NEDD9: variants seen among roughly 807,000 people sequenced by gnomAD.
NEDD9 encodes the protein neural precursor cell expressed, developmentally down-regulated 9, also known as enhancer of filamentation 1.
In NEDD9, 26 loss-of-function variants were observed where a neutral mutation model predicts 76.6. The observed-to-expected ratio is 0.34, with a 90% CI of 0.25 to 0.47. NEDD9 has a LOEUF of 0.47. Among genes scored for constraint, NEDD9 ranks in the 20% least tolerant of loss-of-function variants. NEDD9 has a pLI of 1.00. For synonymous variants in NEDD9, 392 were observed against 414.2 expected, an observed-to-expected ratio of 0.95 and a Z score of 0.65; for missense variants, 937 against 1,058.5, an observed-to-expected ratio of 0.89 and a Z score of 1.59.
At chr6:11,269,728 A>C (rs970543413) in intron 3 of NEDD9, among the ~76,000 whole-genome samples, 1 of 152,216 alleles carries the variant, frequency 6.6e-6, no homozygotes, top group Non-Finnish European at 1.5e-5. Flanking sequence ...TTATTAATTG[A>C]GTTGTGCCAG....
At chr6:11,349,895 C>T (rs927570967) in intron 1 of NEDD9, among the ~76,000 whole-genome samples, 2 of 152,110 alleles carry the variant, frequency 1.3e-5, no homozygotes, top group Non-Finnish European at 2.9e-5. Flanking sequence ...TGTAACAAAC[C>T]TGTATATGTA....
intron 3 of NEDD9, among the ~76,000 whole-genome samples, chr6:11,249,963 C>G (rs1404084047): frequency 6.6e-6 from 1 of 152,210 alleles, no homozygotes; most frequent in Non-Finnish European, 1.5e-5. Context: ...CAGGCAGGTC[C>G]TTTCCAGCTT....
intron 1 of NEDD9, among the ~76,000 whole-genome samples, chr6:11,374,814 G>A (rs933267215): frequency 1.3e-5 from 2 of 152,218 alleles, no homozygotes; most frequent in Admixed American, 6.5e-5. Flanking sequence ...TATCTGGAGG[G>A]GAAGTGACAG....
intron 3 of NEDD9, among the ~76,000 whole-genome samples, chr6:11,295,890 A>G (rs911255402): frequency 1.3e-5 from 2 of 152,152 alleles, no homozygotes; most frequent in African/African-American, 4.8e-5. Flanking sequence ...CATTACACCC[A>G]CGTTAGGTGT....
intron 1 of NEDD9, among the ~76,000 whole-genome samples, chr6:11,347,566 C>A (rs546195036): frequency 6.6e-6 from 1 of 152,274 alleles, no homozygotes; most frequent in South Asian, 2.1e-4. Flanking sequence ...ACTAGCAAAC[C>A]TTTCCAGCAG....
chr6:11,186,198 C>A (rs8180658), intron 6 of NEDD9, among the ~76,000 whole-genome samples: 1 of 151,758 alleles, frequency 6.6e-6, no homozygotes, highest in East Asian at 1.9e-4. Context: ...CTCTTTCTGT[C>A]AAGATTGATA....
At chr6:11,313,190 T>A (rs1486651942) in intron 2 of NEDD9, among the ~76,000 whole-genome samples, 2 of 151,890 alleles carry the variant, frequency 1.3e-5, no homozygotes, top group African/African-American at 4.8e-5. Flanking sequence ...TCTAGATGGG[T>A]GGATGGATCA....
At chr6:11,262,773 A>G (rs73721510) in intron 3 of NEDD9, among the ~76,000 whole-genome samples, 4,760 of 152,346 alleles carry the variant, frequency 0.031, 240 homozygotes, top group African/African-American at 0.11. Context: ...GAAAATGGGT[A>G]TGTGGATGAA....
At chr6:11,219,543 C>G (rs545215135) in intron 1 of NEDD9, among the ~76,000 whole-genome samples, 1 of 152,342 alleles carries the variant, frequency 6.6e-6, no homozygotes, top group East Asian at 1.9e-4. Flanking sequence ...GTTTGCATGC[C>G]TGCATGCGCA....
intron 1 of NEDD9, among the ~76,000 whole-genome samples, chr6:11,365,871 GACCC>G (rs1464191550): frequency 1.3e-5 from 2 of 152,028 alleles, no homozygotes; most frequent in Non-Finnish European, 2.9e-5. Flanking sequence ...TGCATCTGTA[GACCC>G]AACTACTCGG....
At position 11,319,839 on chromosome 6, in the gene NEDD9, CGCACTCAT is replaced by C. The variant is rs1561833114; in HGVS notation, c.-152-13692_-152-13685del. ...TTGCACTAACAAGCAAATACACTCA[CGCACTCAT>C]GCACACTCACACACTCATACACACT... is the stretch of plus-strand genomic sequence containing the variant. On this transcript the variant is annotated intron_variant, in intron 2 of 3. Coordinates refer to the NEDD9 transcript ENST00000397378. 7.9e-5 allele frequency among the ~76,000 whole-genome samples: 12 copies of C among 151,214 alleles called. 1 individual carries two copies. The South Asian group carries it at 2.5e-3, about 32-fold the overall frequency.
In NEDD9 at chr6:11,341,039, G is replaced by A. The variant is rs151025146; in HGVS notation, c.-213-6478C>T. 3.5e-3 allele frequency among the ~76,000 whole-genome samples: 527 copies of A among 152,084 alleles called. 1 individual carries two copies. Among genetic ancestry groups the A allele is most frequent in the African/African-American group, 0.012 (502 of 41,476 alleles). ...TCTGCCTCCCACCCTTTCCATTGAC[G>A]TCCCCCTGTTTGAAACTCTCTTCCC... On this transcript the variant is annotated intron_variant, in intron 1 of 3. Transcript: ENST00000397378.
At chr6:11,343,918 T>C (rs1341192337) in intron 1 of NEDD9, among the ~76,000 whole-genome samples, 1 of 152,214 alleles carries the variant, frequency 6.6e-6, no homozygotes, top group Non-Finnish European at 1.5e-5. Flanking sequence ...ATCTAGGCTC[T>C]TGGGTGAACT....
intron 1 of NEDD9, among the ~76,000 whole-genome samples, chr6:11,365,438 G>A (rs966452134): frequency 1.3e-5 from 2 of 152,104 alleles, no homozygotes; most frequent in Non-Finnish European, 2.9e-5. Flanking sequence ...GAAAGATACC[G>A]TGATTTAAAA....
At chr6:11,210,768 A>G (rs1300730530) in intron 2 of NEDD9, among the ~76,000 whole-genome samples, 1 of 146,956 alleles carries the variant, frequency 6.8e-6, no homozygotes, top group African/African-American at 2.6e-5. Flanking sequence ...GGATGGGGGG[A>G]GAGAGAGAGA....
chr6:11,263,175 T>C (rs1426801318), intron 3 of NEDD9, among the ~76,000 whole-genome samples: 1 of 152,212 alleles, frequency 6.6e-6, no homozygotes, highest in East Asian at 1.9e-4. Flanking sequence ...TGTTTGAATG[T>C]TAAAATTCAT....
At chr6:11,203,007 C>T (rs1201516929) in intron 2 of NEDD9, among the ~76,000 whole-genome samples, 1 of 152,182 alleles carries the variant, frequency 6.6e-6, no homozygotes, top group African/African-American at 2.4e-5. Flanking sequence ...AACAGTGCCC[C>T]TATTGTTAAG....
chr6:11,295,057 C>T (rs140134697), intron 3 of NEDD9, among the ~76,000 whole-genome samples: 367 of 152,326 alleles, frequency 2.4e-3, no homozygotes, highest in African/African-American at 8.2e-3. Flanking sequence ...TCTGCATTGA[C>T]TGTGAGGCCT....
At chr6:11,366,658 A>G (rs745990506) in intron 1 of NEDD9, among the ~76,000 whole-genome samples, 16 of 152,198 alleles carry the variant, frequency 1.1e-4, no homozygotes, top group Non-Finnish European at 1.5e-5. Flanking sequence ...GATGAAAACC[A>G]GCGTCTTCAC....
Sources: allele counts gnomAD v4.1 joint callset (sites outside exome capture counted in the v4.1 genomes callset), GRCh38; gene constraint gnomAD v4.1.1; transcripts MANE v1.5; gene names NCBI Gene and HGNC (gene_info 2026-07-23, HGNC 2026-07-21).